The following PCCA variants were observed in gnomAD, a reference collection of about 807,000 sequenced individuals.
The protein encoded by PCCA is propionyl-CoA carboxylase subunit alpha, also known as propionyl-CoA carboxylase alpha chain, mitochondrial.
Under a neutral mutation model 101.3 loss-of-function variants are expected in PCCA, and 74 were observed. That is an observed-to-expected ratio of 0.73 (90% CI 0.61 to 0.89). The LOEUF (loss-of-function observed/expected upper bound fraction) is 0.89, where lower values mean the gene tolerates loss of function less well. PCCA is among the 40% of genes least tolerant of loss of function. PCCA has a pLI of 0.00. For synonymous variants in PCCA, 294 were observed against 313.6 expected, an observed-to-expected ratio of 0.94 and a Z score of 0.66; for missense variants, 891 against 907.0, an observed-to-expected ratio of 0.98 and a Z score of 0.23.
chr13:100,270,061 C>T (rs989457016), intron 11 of PCCA, among the ~76,000 whole-genome samples: 27 of 152,338 alleles, frequency 1.8e-4, no homozygotes, highest in African/African-American at 6.3e-4. Context: ...TGTGCTTACA[C>T]ACCAGCCAGT....
At position 100,483,881 on chromosome 13, in the gene PCCA, T is replaced by C. The variant is rs115874246; in HGVS notation, c.1900-31546T>C. Among the ~76,000 whole-genome samples the C allele has an allele frequency of 4.3e-3, 658 of 152,356 alleles. 4 individuals are homozygous for C. The highest frequency in any genetic ancestry group is 0.015 in the African/African-American group (624 of 41,582). On this transcript the variant is annotated intron_variant, in intron 21 of 23. Transcript: ENST00000376285. The stretch of plus-strand genomic sequence containing the variant: ...GTGAAGTGATGGGTTGGAATCGTTT[T>C]TAATGCTGTTTCCATTGATGGGACA...
chr13:100,338,418 C>G (rs1208101733), intron 17 of PCCA, among the ~76,000 whole-genome samples: 1 of 152,000 alleles, frequency 6.6e-6, no homozygotes, highest in African/African-American at 2.4e-5. Flanking sequence ...GCAGTATACT[C>G]TTGAGAAAAT....
At chr13:100,381,496 A>C (rs1400210436) in intron 19 of PCCA, among the ~76,000 whole-genome samples, 1 of 152,142 alleles carries the variant, frequency 6.6e-6, no homozygotes, top group Non-Finnish European at 1.5e-5. Flanking sequence ...ACAGGATGGC[A>C]TTTCCTCAAA....
intron 21 of PCCA, among the ~76,000 whole-genome samples, chr13:100,460,799 C>T (rs1041802702): frequency 6.6e-6 from 1 of 152,068 alleles, no homozygotes; most frequent in African/African-American, 2.4e-5. Flanking sequence ...TGACAACCAT[C>T]GAAAACAATT....
intron 18 of PCCA, among the ~76,000 whole-genome samples, chr13:100,360,387 A>C (rs1293105565): frequency 6.6e-6 from 1 of 152,042 alleles, no homozygotes; most frequent in African/African-American, 2.4e-5. Flanking sequence ...TGGTCTACAA[A>C]TTTTCCTGAA....
intron 8 of PCCA, among the ~76,000 whole-genome samples, chr13:100,257,157 T>C (rs1404845949): frequency 6.6e-6 from 1 of 152,188 alleles, no homozygotes; most frequent in African/African-American, 2.4e-5. Flanking sequence ...ACTCTTCAGA[T>C]GAAAATACCT....
At chr13:100,258,806 G>C (rs186677838) in intron 9 of PCCA, among the ~76,000 whole-genome samples, 59 of 152,134 alleles carry the variant, frequency 3.9e-4, no homozygotes, top group African/African-American at 1.4e-3. Context: ...ATAGCACATT[G>C]ATTCAAAATA....
chr13:100,126,360 T>A (rs2049955474), intron 4 of PCCA, among the ~76,000 whole-genome samples: 1 of 152,212 alleles, frequency 6.6e-6, no homozygotes, highest in African/African-American at 2.4e-5. Flanking sequence ...ATTCTCTGGC[T>A]TGTTTTCTAT....
At chr13:100,229,967 C>T (rs1357054908) in intron 7 of PCCA, among the ~76,000 whole-genome samples, 1 of 152,186 alleles carries the variant, frequency 6.6e-6, no homozygotes, top group African/African-American at 2.4e-5. Flanking sequence ...AAAACCGCTG[C>T]TCTGGAGATG....
chr13:100,175,256 G>A lies in PCCA; in HGVS notation c.468+17916G>A, dbSNP rs371451813. Reference sequence around the variant, plus strand: ...AATTAATGAATAAACCAATAGATTAGTACATTGTTGATTTTTTTTTCCCCC... The same window carrying A: ...AATTAATGAATAAACCAATAGATTAATACATTGTTGATTTTTTTTTCCCCC... On this transcript the variant is annotated intron_variant, in intron 6 of 23. Coordinates refer to ENST00000376285, the MANE Select transcript of PCCA (RefSeq NM_000282.4). Among the ~76,000 whole-genome samples, 7 of 152,154 alleles carry A rather than the reference G, an allele frequency of 4.6e-5. No homozygotes were observed. The East Asian group carries it at 7.7e-4, about 17-fold the overall frequency.
At chr13:100,400,132 C>T (rs2077251340) in intron 19 of PCCA, among the ~76,000 whole-genome samples, 1 of 152,162 alleles carries the variant, frequency 6.6e-6, no homozygotes, top group South Asian at 2.1e-4. Flanking sequence ...ATGGATAAAA[C>T]AGGATTGGCT....
intron 6 of PCCA, among the ~76,000 whole-genome samples, chr13:100,166,258 A>G (rs925204449): frequency 3.3e-5 from 5 of 152,090 alleles, no homozygotes; most frequent in Non-Finnish European, 5.9e-5. Context: ...TTTTTCACCC[A>G]GCAAAATTAT....
intron 7 of PCCA, among the ~76,000 whole-genome samples, chr13:100,219,199 G>C (rs2059681041): frequency 6.6e-6 from 1 of 152,026 alleles, no homozygotes; most frequent in African/African-American, 2.4e-5. Flanking sequence ...GTAGGGGTTT[G>C]GATGTGTCAT....
intron 15 of PCCA, among the ~76,000 whole-genome samples, chr13:100,308,955 A>G (rs1289591802): frequency 6.6e-6 from 1 of 152,222 alleles, no homozygotes; most frequent in Admixed American, 6.5e-5. Context: ...CATGTAGAAT[A>G]GTAAGACTTT....
intron 16 of PCCA, among the ~76,000 whole-genome samples, chr13:100,312,849 A>T (rs2067031837): frequency 6.6e-6 from 1 of 152,184 alleles, no homozygotes; most frequent in South Asian, 2.1e-4. Flanking sequence ...CTCATCCTAA[A>T]ATATTTTAAA....
chr13:100,224,175 C>T (rs913304567), intron 7 of PCCA, among the ~76,000 whole-genome samples: 3 of 152,228 alleles, frequency 2.0e-5, no homozygotes, highest in African/African-American at 7.2e-5. Context: ...TGGCGGGCTG[C>T]AGGTCCCGAG....
chr13:100,508,039 G>A (rs971189568), intron 21 of PCCA, among the ~76,000 whole-genome samples: 3 of 151,978 alleles, frequency 2.0e-5, no homozygotes, highest in Admixed American at 1.3e-4. Context: ...AATGAGCCTT[G>A]TGTTTCCAGT....
At chr13:100,362,359 G>A (rs7995301) in intron 18 of PCCA, among the ~76,000 whole-genome samples, 3,315 of 152,242 alleles carry the variant, frequency 0.022, 125 homozygotes, top group African/African-American at 0.076. Context: ...CCCAATTATG[G>A]TAACAATAAT....
intron 21 of PCCA, among the ~76,000 whole-genome samples, chr13:100,489,389 G>C (rs944384917): frequency 6.6e-6 from 1 of 152,216 alleles, no homozygotes; most frequent in Non-Finnish European, 1.5e-5. Flanking sequence ...TGACTGAAGC[G>C]GAACTGACAG....
Sources: allele counts gnomAD v4.1 joint callset (sites outside exome capture counted in the v4.1 genomes callset), GRCh38; gene constraint gnomAD v4.1.1; transcripts MANE v1.5; gene names NCBI Gene and HGNC (gene_info 2026-07-23, HGNC 2026-07-21).